The following KDM4B variants were observed in gnomAD, a reference collection of about 807,000 sequenced individuals.
KDM4B encodes the protein lysine demethylase 4B, also known as lysine-specific demethylase 4B.
KDM4B carries 32 observed loss-of-function variants against 125.2 expected under a neutral mutation model. The ratio of observed to expected loss-of-function variants is 0.26; its 90% confidence interval spans 0.19 to 0.34. The LOEUF is 0.34. Ranked by LOEUF, KDM4B falls within the 10% of genes least tolerant of loss-of-function variation. KDM4B has a pLI of 1.00. For synonymous variants in KDM4B, 721 were observed against 677.9 expected, an observed-to-expected ratio of 1.06 and a Z score of -0.99; for missense variants, 1,190 against 1,577.7, an observed-to-expected ratio of 0.75 and a Z score of 4.16.
At chr19:5,138,549 G>T in intron 18 of KDM4B, 1 of 161,174 alleles carries the variant, frequency 6.2e-6, no homozygotes, top group South Asian at 1.6e-4. Context: ...CCAGCTACTC[G>T]GGAGGCTGAG....
Position 5,035,737 on chromosome 19 carries a change from G to A in KDM4B, c.141+2706G>A, listed in dbSNP as rs1300708619. Among the ~76,000 whole-genome samples the A allele has an allele frequency of 6.6e-6, 1 of 152,176 alleles. No individual in the cohort carries two copies. Among genetic ancestry groups the A allele is most frequent in the Non-Finnish European group, 1.5e-5 (1 of 67,996 alleles). On this transcript the variant is annotated intron_variant, in intron 3 of 22. Transcript: ENST00000159111. The surrounding 1 kb of genome is among the most constrained non-coding windows in gnomAD (Gnocchi z 5.3). ...GTGTTCCTTCCCATGCCTCTGCAGCGGCAGCTCCCATGCTGCTTCTCCTTG... is the reference window on the plus strand; with the variant it reads ...GTGTTCCTTCCCATGCCTCTGCAGCAGCAGCTCCCATGCTGCTTCTCCTTG...
In KDM4B at chr19:5,132,714, G is replaced by A. The variant is rs569681321; in HGVS notation, c.1906+707G>A. Among the ~76,000 whole-genome samples, 4 of 144,122 alleles carry A rather than the reference G, an allele frequency of 2.8e-5. No individual in the cohort carries two copies. The South Asian group carries it at 8.8e-4, about 32-fold the overall frequency. 94.5% of individuals were successfully genotyped at this position (144,122 alleles called of 152,430 possible). A position where few individuals can be genotyped will look rare whatever the true frequency, so the allele number is the denominator to read the frequency against. On this transcript the variant is annotated intron_variant, in intron 13 of 22. Coordinates refer to ENST00000159111, the MANE Select transcript of KDM4B (RefSeq NM_015015.3). ...AGAAGGCATCTCTGGGGCCTCCGTG[G>A]ACTCCCCCACTCCCCACACCCCACT...
In KDM4B at chr19:5,114,447, C is replaced by T. The variant is rs918180868; in HGVS notation, c.1115+3629C>T. 6 of 400,638 alleles carry T rather than the reference C, an allele frequency of 1.5e-5. No individual in the cohort carries two copies. Among genetic ancestry groups the T allele is most frequent in the Non-Finnish European group, 2.5e-5 (5 of 197,134 alleles). 24.8% of individuals were successfully genotyped at this position (400,638 alleles called of 1,614,324 possible). A position where few individuals can be genotyped will look rare whatever the true frequency, so the allele number is the denominator to read the frequency against. On this transcript the variant is annotated intron_variant, in intron 10 of 22. Coordinates refer to ENST00000159111, the MANE Select transcript of KDM4B (RefSeq NM_015015.3). This position sits in a 1 kb window ranked among gnomAD's most constrained non-coding sequence, Gnocchi z 5.8. ...TGCCAGGGCTGCCACGGCTGCCACA[C>T]CCCAGCTGCATTCCTGAGCCCTCCC...
chr19:5,121,674 G>T (rs1480549423), intron 11 of KDM4B, among the ~76,000 whole-genome samples: 1 of 151,926 alleles, frequency 6.6e-6, no homozygotes, highest in Non-Finnish European at 1.5e-5. Context: ...GACTTTTTTT[G>T]GAAATAAGAA....
At chr19:5,008,444 T>C (rs2035626926) in intron 1 of KDM4B, among the ~76,000 whole-genome samples, 1 of 152,182 alleles carries the variant, frequency 6.6e-6, no homozygotes, top group Non-Finnish European at 1.5e-5. Flanking sequence ...TTTTGTCTAG[T>C]CTTGAGTGTA....
At chr19:5,137,885 C>A in intron 17 of KDM4B, 77 bp from the exon 18 acceptor site, 1 of 1,304,860 alleles carries the variant, frequency 7.7e-7, no homozygotes, top group African/African-American at 1.4e-5. Context: ...AGCCGACAGC[C>A]ACATCACGCC....
intron 7 of KDM4B, 49 bp from the exon 8 acceptor site, chr19:5,077,318 C>T: frequency 6.5e-7 from 1 of 1,541,438 alleles, no homozygotes; most frequent in Non-Finnish European, 8.9e-7. Context: ...CCTCGCTGAC[C>T]CCGGCCGGCT....
intron 9 of KDM4B, among the ~76,000 whole-genome samples, chr19:5,086,216 T>A (rs1324715926): frequency 1.8e-5 from 2 of 111,056 alleles, no homozygotes; most frequent in East Asian, 6.2e-4. Flanking sequence ...CGTTGTCCCC[T>A]TTCTGTCATT....
At chr19:4,990,385 G>A (rs1400307479) in intron 1 of KDM4B, among the ~76,000 whole-genome samples, 3 of 152,216 alleles carry the variant, frequency 2.0e-5, no homozygotes, top group Non-Finnish European at 4.4e-5. Context: ...TGTGGAGCCC[G>A]AGGCAGACAT....
chr19:5,061,655 T>TG (rs1468722023), intron 6 of KDM4B, among the ~76,000 whole-genome samples: 1 of 152,006 alleles, frequency 6.6e-6, no homozygotes, highest in Non-Finnish European at 1.5e-5. Context: ...AGCCAGCCAC[T>TG]GGAGCTCGAG....
intron 9 of KDM4B, among the ~76,000 whole-genome samples, chr19:5,101,378 A>G (rs2613745): frequency 0.61 from 91,204 of 150,688 alleles, 27,984 homozygotes; most frequent in African/African-American, 0.71. Context: ...CAAGTGAGGG[A>G]CTAGGTGCAG....
chr19:5,057,952 G>A (rs754303369), intron 6 of KDM4B, among the ~76,000 whole-genome samples: 2 of 152,246 alleles, frequency 1.3e-5, no homozygotes, highest in East Asian at 1.9e-4. Flanking sequence ...GTCCAAGGTC[G>A]CCCTGGGTGC....
At chr19:5,122,196 C>T (rs1051559353) in intron 11 of KDM4B, among the ~76,000 whole-genome samples, 1 of 152,200 alleles carries the variant, frequency 6.6e-6, no homozygotes, top group African/African-American at 2.4e-5. Flanking sequence ...GTCTCAGTGT[C>T]TAGAGGCGCC....
chr19:5,122,144 C>G (rs1226719789), intron 11 of KDM4B, among the ~76,000 whole-genome samples: 1 of 152,216 alleles, frequency 6.6e-6, no homozygotes, highest in Admixed American at 6.5e-5. Flanking sequence ...GGCAGGGCTG[C>G]TTCCTCCTGG....
Position 5,082,395 on chromosome 19 carries a change from T to C in KDM4B, c.809T>C (p.Ile270Thr). 6.2e-7 allele frequency: 1 copy of C among 1,613,792 alleles called. No individual in the cohort carries two copies. Among genetic ancestry groups the C allele is most frequent in the Non-Finnish European group, 8.5e-7 (1 of 1,179,984 alleles). The stretch of plus-strand genomic sequence containing the variant: ...ACGCAGGAGGCCGGGGAATTCATGA[T>C]CACATTTCCCTACGGCTACCACGCC... ...RITQEAGEFMITFPYGYHAGF... is the reference protein window; with the variant it reads ...RITQEAGEFMTTFPYGYHAGF... Residue 270 changes from isoleucine to threonine, a missense_variant, in exon 9 of 23, where the codon ATC (isoleucine) becomes ACC (threonine). By Grantham distance (89) the Ile-to-Thr change is moderately conservative. Around this residue, in one of 7 missense-constraint regions of KDM4B, gnomAD observed 75 missense variants for 218.2 expected, o/e 0.34. Coordinates refer to ENST00000159111, the MANE Select transcript of KDM4B (RefSeq NM_015015.3). This position sits in a 1 kb window ranked among gnomAD's most constrained non-coding sequence, Gnocchi z 5.4.
chr19:5,138,290 A>C, intron 18 of KDM4B: 1 of 566,318 alleles, frequency 1.8e-6, no homozygotes, highest in Non-Finnish European at 3.2e-6. Context: ...AGAAGGCATC[A>C]AGGGTGGCAG....
intron 11 of KDM4B, among the ~76,000 whole-genome samples, chr19:5,121,394 C>T (rs2039358230): frequency 6.6e-6 from 1 of 152,178 alleles, no homozygotes; most frequent in African/African-American, 2.4e-5. Flanking sequence ...AAGAGAAAAG[C>T]ACAGCTGTCG....
chr19:5,039,095 C>T (rs1247919721), intron 3 of KDM4B, among the ~76,000 whole-genome samples: 1 of 152,218 alleles, frequency 6.6e-6, no homozygotes, highest in African/African-American at 2.4e-5. Flanking sequence ...CTTCCTGCTG[C>T]CAGAGGGCAT....
At chr19:5,017,162 T>C (rs1367005471) in intron 2 of KDM4B, among the ~76,000 whole-genome samples, 4 of 152,186 alleles carry the variant, frequency 2.6e-5, no homozygotes. Flanking sequence ...GAGTGTGGAC[T>C]TGAGCTGGGG....
Sources: allele counts gnomAD v4.1 joint callset (sites outside exome capture counted in the v4.1 genomes callset), GRCh38; gene constraint gnomAD v4.1.1; regional missense constraint gnomAD v4.1.1; non-coding constraint Gnocchi (gnomAD v3.1); transcripts MANE v1.5; gene names NCBI Gene and HGNC (gene_info 2026-07-23, HGNC 2026-07-21).